Variants in CTIF observed in about 807,000 individuals in gnomAD.
The protein encoded by CTIF is cap binding complex dependent translation initiation factor.
A neutral mutation model predicts 66.0 loss-of-function variants in CTIF; 21 were observed. That is an observed-to-expected ratio of 0.32 (90% CI 0.23 to 0.46). CTIF has a LOEUF of 0.46. Ranked by LOEUF, CTIF falls within the 20% of genes least tolerant of loss-of-function variation. The pLI, the probability that CTIF is intolerant of heterozygous loss-of-function variation, is 1.00. For synonymous variants in CTIF, 345 were observed against 326.4 expected (o/e 1.06, Z -0.62); for missense variants, 739 against 812.7 (o/e 0.91, Z 1.10).
intron 1 of CTIF, among the ~76,000 whole-genome samples, chr18:48,554,528 G>A (rs957219870): frequency 6.6e-6 from 1 of 152,244 alleles, no homozygotes; most frequent in Non-Finnish European, 1.5e-5. Context: ...AGGGTTGTGG[G>A]GATAGGGCTG....
intron 2 of CTIF, among the ~76,000 whole-genome samples, chr18:48,621,035 G>A (rs1476447219): frequency 6.6e-6 from 1 of 152,138 alleles, no homozygotes; most frequent in East Asian, 1.9e-4. Flanking sequence ...AAAATCACAA[G>A]TAATGCAAGC....
At chr18:48,770,466 C>G (rs995222121) in intron 9 of CTIF, among the ~76,000 whole-genome samples, 1 of 152,266 alleles carries the variant, frequency 6.6e-6, no homozygotes, top group Non-Finnish European at 1.5e-5. Context: ...GTCAGAGACT[C>G]TAGATGTGCA....
intron 7 of CTIF, among the ~76,000 whole-genome samples, chr18:48,750,200 C>T (rs1035924522): frequency 1.3e-5 from 2 of 152,220 alleles, no homozygotes; most frequent in Non-Finnish European, 2.9e-5. Flanking sequence ...ACCCTAAGAA[C>T]CTGAGTCGGG....
At chr18:48,833,693 G>A (rs919839590) in intron 10 of CTIF, among the ~76,000 whole-genome samples, 1 of 152,162 alleles carries the variant, frequency 6.6e-6, no homozygotes. Flanking sequence ...GGAGGGGTAG[G>A]GAAGGTCACT....
chr18:48,563,915 C>A (rs930599635), intron 1 of CTIF, among the ~76,000 whole-genome samples: 1 of 152,136 alleles, frequency 6.6e-6, no homozygotes, highest in East Asian at 1.9e-4. Context: ...CTGTTCCCCG[C>A]CCCAGCCATC....
chr18:48,637,253 C>T (rs944986237), intron 3 of CTIF, among the ~76,000 whole-genome samples: 7 of 152,152 alleles, frequency 4.6e-5, no homozygotes, highest in Non-Finnish European at 8.8e-5. Context: ...GCGGTGAGGT[C>T]CTGAGAGGCT....
intron 10 of CTIF, among the ~76,000 whole-genome samples, chr18:48,825,448 A>G (rs192521174): frequency 1.7e-4 from 26 of 152,338 alleles, no homozygotes; most frequent in African/African-American, 6.3e-4. Flanking sequence ...CTGTGCAACA[A>G]TGAGAGAGCC....
chr18:48,712,333 A>G (rs1231591021), intron 7 of CTIF, among the ~76,000 whole-genome samples: 1 of 152,226 alleles, frequency 6.6e-6, no homozygotes, highest in Non-Finnish European at 1.5e-5. Context: ...GGATAAGAAC[A>G]TGCAGCTGAA....
chr18:48,763,769 G>A (rs866755918), intron 9 of CTIF, among the ~76,000 whole-genome samples: 1 of 152,080 alleles, frequency 6.6e-6, no homozygotes, highest in Non-Finnish European at 1.5e-5. Flanking sequence ...GAGATGAGCC[G>A]GGGTCTCGGG....
chr18:48,813,908 A>G (rs1443102921), intron 9 of CTIF, among the ~76,000 whole-genome samples: 2 of 152,238 alleles, frequency 1.3e-5, no homozygotes, highest in Non-Finnish European at 2.9e-5. Context: ...AGGGTGGTGC[A>G]GATGGGAGCT....
At chr18:48,829,928 G>C (rs1359788319) in intron 10 of CTIF, among the ~76,000 whole-genome samples, 1 of 152,150 alleles carries the variant, frequency 6.6e-6, no homozygotes, top group Non-Finnish European at 1.5e-5. Context: ...TCCACCTCAA[G>C]ACCAAGCCAG....
intron 2 of CTIF, among the ~76,000 whole-genome samples, chr18:48,635,822 G>A (rs1320440187): frequency 6.6e-6 from 1 of 152,142 alleles, no homozygotes; most frequent in Non-Finnish European, 1.5e-5. Context: ...TTTCATCCCA[G>A]CCTCCCAGCC....
At chr18:48,858,832 G>A (rs1040906970) in intron 11 of CTIF, among the ~76,000 whole-genome samples, 1 of 152,184 alleles carries the variant, frequency 6.6e-6, no homozygotes, top group Non-Finnish European at 1.5e-5. Flanking sequence ...GATGGGATCA[G>A]GATCAGGAGA....
At chr18:48,559,394 A>G (rs1599141129) in intron 1 of CTIF, among the ~76,000 whole-genome samples, 2 of 152,184 alleles carry the variant, frequency 1.3e-5, no homozygotes, top group African/African-American at 2.4e-5. Flanking sequence ...ATATTTTCTA[A>G]TGTTACCTGT....
At chr18:48,840,900 CCT>C (rs2068925616) in intron 10 of CTIF, among the ~76,000 whole-genome samples, 1 of 140,904 alleles carries the variant, frequency 7.1e-6, no homozygotes, top group Admixed American at 7.1e-5. Flanking sequence ...AAGATGGGCA[CCT>C]CTGTCTGGAA....
At chr18:48,559,530 CTTT>C (rs1394851920) in intron 1 of CTIF, among the ~76,000 whole-genome samples, 1 of 152,178 alleles carries the variant, frequency 6.6e-6, no homozygotes, top group Non-Finnish European at 1.5e-5. Flanking sequence ...AGCAATAATC[CTTT>C]GTCCTGCTCA....
At chr18:48,742,612 C>G (rs964252073) in intron 7 of CTIF, among the ~76,000 whole-genome samples, 1 of 152,214 alleles carries the variant, frequency 6.6e-6, no homozygotes, top group Non-Finnish European at 1.5e-5. Context: ...ACTTATTGAG[C>G]CTTGCTCTGT....
chr18:48,721,999 G>C (rs899329387), intron 7 of CTIF, among the ~76,000 whole-genome samples: 2 of 152,170 alleles, frequency 1.3e-5, no homozygotes, highest in African/African-American at 4.8e-5. Flanking sequence ...CATGGGATGG[G>C]AAAGACAGTT....
At chr18:48,835,959 A>C (rs1950708966) in intron 10 of CTIF, among the ~76,000 whole-genome samples, 1 of 151,976 alleles carries the variant, frequency 6.6e-6, no homozygotes, top group South Asian at 2.1e-4. Context: ...TGCATTTGTC[A>C]TTCTACCCCT....
Sources: allele counts gnomAD v4.1 joint callset (sites outside exome capture counted in the v4.1 genomes callset), GRCh38; gene constraint gnomAD v4.1.1; transcripts MANE v1.5; gene names NCBI Gene and HGNC (gene_info 2026-07-23, HGNC 2026-07-21).